Variants in ENTREP1 observed in about 807,000 individuals in gnomAD.
The protein encoded by ENTREP1 is endosomal transmembrane epsin interactor 1.
chr9:69,368,652 C>T, the ENTREP1 span, among the ~76,000 whole-genome samples: 7 of 152,164 alleles, frequency 4.6e-5, no homozygotes, highest in Admixed American at 4.6e-4. Flanking sequence ...TAGGATAATG[C>T]TAGCTTTGTA....
At chr9:69,329,935 G>A in the ENTREP1 span, among the ~76,000 whole-genome samples, 2 of 132,120 alleles carry the variant, frequency 1.5e-5, no homozygotes, top group African/African-American at 5.6e-5. Context: ...GTTCCACTGG[G>A]TTTAATTAGA....
the ENTREP1 span, among the ~76,000 whole-genome samples, chr9:69,371,971 C>A: frequency 2.0e-5 from 3 of 152,100 alleles, no homozygotes; most frequent in South Asian, 6.2e-4. Context: ...TATCTGAAAC[C>A]TTTGGAGGCC....
At chr9:69,343,812 GAGATAA>G in the ENTREP1 span, among the ~76,000 whole-genome samples, 2 of 152,134 alleles carry the variant, frequency 1.3e-5, no homozygotes, top group Admixed American at 1.3e-4. Flanking sequence ...GTGTTGTTGG[GAGATAA>G]AGATAAGGGA....
chr9:69,327,134 G>T, the ENTREP1 span, among the ~76,000 whole-genome samples: 2 of 152,272 alleles, frequency 1.3e-5, no homozygotes, highest in African/African-American at 4.8e-5. Flanking sequence ...GTGTCAGTTT[G>T]CTTTCCTTTT....
the ENTREP1 span, chr9:69,385,718 C>T: frequency 7.0e-7 from 1 of 1,434,550 alleles, no homozygotes; most frequent in Non-Finnish European, 9.1e-7. Flanking sequence ...GTGTTTCCTG[C>T]CCATTTTGAG....
chr9:69,332,903 T>TG, the ENTREP1 span, among the ~76,000 whole-genome samples: 1 of 152,190 alleles, frequency 6.6e-6, no homozygotes. Context: ...AGACATAGAA[T>TG]GAATGCCCAT....
the ENTREP1 span, among the ~76,000 whole-genome samples, chr9:69,364,775 T>A: frequency 6.6e-6 from 1 of 152,186 alleles, no homozygotes; most frequent in South Asian, 2.1e-4. Flanking sequence ...TTTAATAACA[T>A]AATAGTAAAG....
the ENTREP1 span, among the ~76,000 whole-genome samples, chr9:69,389,732 G>C: frequency 3.0e-4 from 46 of 152,346 alleles, no homozygotes; most frequent in Non-Finnish European, 6.2e-4. Flanking sequence ...CATTCACCAG[G>C]TAGTGGGCCT....
At chr9:69,391,548 C>T in the ENTREP1 span, 3 of 1,501,890 alleles carry the variant, frequency 2.0e-6, no homozygotes, top group Middle Eastern at 1.7e-4. Context: ...GGTCAAAGGG[C>T]CACATCTGGT....
the ENTREP1 span, chr9:69,385,656 A>G: frequency 2.3e-6 from 3 of 1,308,884 alleles, no homozygotes; most frequent in Non-Finnish European, 2.9e-6. Context: ...CAGCAGCCTG[A>G]GTAAATGTTA....
chr9:69,367,838 CAT>C, the ENTREP1 span, among the ~76,000 whole-genome samples: 16,245 of 91,294 alleles, frequency 0.18, 1,869 homozygotes, highest in Non-Finnish European at 0.24. Context: ...TATATATACA[CAT>C]ATATATATAA....
At chr9:69,364,869 T>G in the ENTREP1 span, among the ~76,000 whole-genome samples, 21 of 152,318 alleles carry the variant, frequency 1.4e-4, no homozygotes, top group East Asian at 2.3e-3. Flanking sequence ...CAGGCCTTCC[T>G]TCTGGGTTTT....
At chr9:69,340,774 TGTATGTGTGTGTGCATGTGTGTGTGC>T in the ENTREP1 span, among the ~76,000 whole-genome samples, 1 of 144,510 alleles carries the variant, frequency 6.9e-6, no homozygotes, top group Non-Finnish European at 1.5e-5. Context: ...TGTGTGTGTG[TGTATGTGTGTGTGCATGTGTGTGTGC>T]ATGTGTGTGT....
the ENTREP1 span, chr9:69,380,023 C>T: frequency 6.6e-6 from 1 of 152,222 alleles, no homozygotes; most frequent in Admixed American, 6.5e-5. Context: ...AGAAAACAGA[C>T]AAGCTTCTCA....
At chr9:69,371,676 A>G in the ENTREP1 span, 1 of 1,034,856 alleles carries the variant, frequency 9.7e-7, no homozygotes, top group Non-Finnish European at 1.5e-6. Context: ...TCCTGGCGAG[A>G]CTTGCAACAT....
At chr9:69,336,148 G>A in the ENTREP1 span, 1 of 817,864 alleles carries the variant, frequency 1.2e-6, no homozygotes, top group Non-Finnish European at 1.9e-6. Flanking sequence ...ATGTACTTTT[G>A]TGACTGAGGA....
chr9:69,367,750 T>TAAATATATATATACACATATATAA, the ENTREP1 span, among the ~76,000 whole-genome samples: 1,019 of 122,150 alleles, frequency 8.3e-3, 14 homozygotes, highest in African/African-American at 0.032. Flanking sequence ...TACACATATA[T>TAAATATATATATACACATATATAA]AAATATATAT....
chr9:69,360,152 T>C, the ENTREP1 span, among the ~76,000 whole-genome samples: 1 of 152,222 alleles, frequency 6.6e-6, no homozygotes, highest in African/African-American at 2.4e-5. Context: ...TTTTATTCCA[T>C]TTTATGCTTT....
the ENTREP1 span, among the ~76,000 whole-genome samples, chr9:69,366,506 A>C: frequency 2.7e-5 from 4 of 149,878 alleles, no homozygotes; most frequent in Non-Finnish European, 5.9e-5. Context: ...CACTCCGTTG[A>C]TTGTTTCCTT....
Sources: gnomAD v4.1 joint callset for allele counts (sites outside exome capture counted in the v4.1 genomes callset) on GRCh38, gnomAD v4.1.1 for gene constraint, MANE v1.5 for transcripts, NCBI Gene and HGNC (gene_info 2026-07-23, HGNC 2026-07-21) for gene names.